GALNT7: variants seen among roughly 807,000 people sequenced by gnomAD.
GALNT7 encodes polypeptide N-acetylgalactosaminyltransferase 7.
Under a neutral mutation model 82.1 loss-of-function variants are expected in GALNT7, and 60 were observed. That is an observed-to-expected ratio of 0.73 (90% CI 0.59 to 0.91). The LOEUF is 0.91. Among genes scored for constraint, GALNT7 ranks in the 40% least tolerant of loss-of-function variants. The probability of loss-of-function intolerance (pLI) is 0.00; values close to 1 mark genes in which losing one functional copy is unlikely to be tolerated. For synonymous variants in GALNT7, 243 were observed against 275.1 expected (o/e 0.88, Z 1.15); for missense variants, 660 against 804.2 (o/e 0.82, Z 2.17).
chr4:173,256,859 A>G lies in GALNT7; in HGVS notation c.587+8419A>G, dbSNP rs189977829. 2.5e-3 allele frequency among the ~76,000 whole-genome samples: 381 copies of G among 152,260 alleles called. 1 individual carries two copies. Among genetic ancestry groups the G allele is most frequent in the Non-Finnish European group, 4.5e-3 (305 of 68,016 alleles). On this transcript the variant is annotated intron_variant, in intron 2 of 11. Coordinates refer to ENST00000265000, the MANE Select transcript of GALNT7 (RefSeq NM_017423.3). ...GCTGGTAAACCAAGCATAAACCAAC[A>G]CTTATATAGAAGGAATATCCCCTAC...
chr4:173,279,281 G>C lies in GALNT7; in HGVS notation c.588-12827G>C, dbSNP rs117834326. ...ACATGGTGAGACTGAGAGCAAGAGA[G>C]AGTGGAGGGTAAGCTACACATTTTT... On this transcript the variant is annotated intron_variant, in intron 2 of 11. Coordinates refer to ENST00000265000, the MANE Select transcript of GALNT7 (RefSeq NM_017423.3). Among the ~76,000 whole-genome samples the C allele has an allele frequency of 2.6e-5, 4 of 152,190 alleles. No individual in the cohort carries two copies. In the East Asian group the frequency reaches 7.7e-4, roughly 29 times the overall value.
intron 1 of GALNT7, among the ~76,000 whole-genome samples, chr4:173,213,772 A>G (rs1016240462): frequency 6.6e-5 from 10 of 152,144 alleles, no homozygotes; most frequent in Admixed American, 6.5e-5. Flanking sequence ...TAAATATTCA[A>G]GCACTGACAG....
chr4:173,224,423 T>C (rs1417949104), intron 1 of GALNT7, among the ~76,000 whole-genome samples: 2 of 152,200 alleles, frequency 1.3e-5, no homozygotes, highest in Non-Finnish European at 2.9e-5. Context: ...AAGGATGGTA[T>C]GTATAAATCA....
chr4:173,270,520 A>G (rs1735684237), intron 2 of GALNT7, among the ~76,000 whole-genome samples: 1 of 152,230 alleles, frequency 6.6e-6, no homozygotes, highest in Admixed American at 6.5e-5. Flanking sequence ...CATAGAGGTC[A>G]GTGCTGTGAA....
intron 1 of GALNT7, among the ~76,000 whole-genome samples, chr4:173,215,834 G>A (rs955461964): frequency 2.0e-5 from 3 of 152,140 alleles, no homozygotes; most frequent in Non-Finnish European, 4.4e-5. Context: ...AAAAGGCCGG[G>A]TGCAGTGGTT....
At chr4:173,293,319 A>G (rs543196408) in intron 3 of GALNT7, among the ~76,000 whole-genome samples, 4 of 152,012 alleles carry the variant, frequency 2.6e-5, no homozygotes, top group Admixed American at 6.5e-5. Context: ...CAAATCTCTA[A>G]TGAAGACAAT....
At chr4:173,297,660 T>G (rs1736766744) in intron 5 of GALNT7, 3 of 446,882 alleles carry the variant, frequency 6.7e-6, no homozygotes, top group African/African-American at 6.1e-5. Flanking sequence ...GGACATTCAT[T>G]TACTCTATTT....
intron 1 of GALNT7, among the ~76,000 whole-genome samples, chr4:173,189,858 C>T (rs190585753): frequency 1.4e-3 from 220 of 152,332 alleles, no homozygotes; most frequent in African/African-American, 5.2e-3. Flanking sequence ...TATGGAAATA[C>T]ATGAAGGCTG....
chr4:173,262,478 G>T (rs917190872), intron 2 of GALNT7, among the ~76,000 whole-genome samples: 1 of 152,102 alleles, frequency 6.6e-6, no homozygotes, highest in Non-Finnish European at 1.5e-5. Flanking sequence ...ATCATCATCA[G>T]TCTCATTGGA....
chr4:173,318,516 C>T lies in GALNT7; in HGVS notation c.1793C>T (p.Thr598Ile), dbSNP rs773979622. The T allele has an allele frequency of 4.4e-6, 7 of 1,573,538 alleles. No individual in the cohort carries two copies. The South Asian group carries it at 7.8e-5, about 18-fold the overall frequency. The change falls in exon 11 of 12, where the codon ACA becomes ATA. Residue 598 changes from threonine (T) to isoleucine (I), a missense_variant. Coordinates refer to ENST00000265000, the MANE Select transcript of GALNT7 (RefSeq NM_017423.3). ...GCTGATGGATCAAAAGTTATGATTACACACTGTAATCTAAATGAATTTAAG... is the reference window on the plus strand; with the variant it reads ...GCTGATGGATCAAAAGTTATGATTATACACTGTAATCTAAATGAATTTAAG... ...KGADGSKVMITHCNLNEFKEW... is the reference protein window; with the variant it reads ...KGADGSKVMIIHCNLNEFKEW...
intron 1 of GALNT7, among the ~76,000 whole-genome samples, chr4:173,246,687 T>C (rs560358953): frequency 1.3e-5 from 2 of 152,338 alleles, no homozygotes; most frequent in East Asian, 3.9e-4. Context: ...TGCCTCTAAA[T>C]AAACTACTAA....
intron 2 of GALNT7, among the ~76,000 whole-genome samples, chr4:173,251,199 G>C (rs184009294): frequency 6.6e-6 from 1 of 152,038 alleles, no homozygotes; most frequent in African/African-American, 2.4e-5. Flanking sequence ...AATCAGCCAG[G>C]GTTCAAACCT....
chr4:173,209,729 C>G (rs948846572), intron 1 of GALNT7, among the ~76,000 whole-genome samples: 1 of 152,228 alleles, frequency 6.6e-6, no homozygotes, highest in Non-Finnish European at 1.5e-5. Flanking sequence ...TCTTTCCCAC[C>G]CTACCTGCCA....
At chr4:173,184,044 G>A (rs1170375462) in intron 1 of GALNT7, among the ~76,000 whole-genome samples, 1 of 151,564 alleles carries the variant, frequency 6.6e-6, no homozygotes, top group Non-Finnish European at 1.5e-5. Flanking sequence ...GACGATGGGC[G>A]GCCGGGCAGA....
intron 2 of GALNT7, among the ~76,000 whole-genome samples, chr4:173,290,629 T>C (rs1484934886): frequency 1.3e-5 from 2 of 152,200 alleles, no homozygotes; most frequent in African/African-American, 4.8e-5. Context: ...GGAGGGAACT[T>C]TCACCTTTAT....
chr4:173,191,331 A>G lies in GALNT7; in HGVS notation c.126+22370A>G, dbSNP rs138864080. 2.3e-3 allele frequency among the ~76,000 whole-genome samples: 345 copies of G among 152,266 alleles called. 2 individuals carry two copies. Among genetic ancestry groups the G allele is most frequent in the African/African-American group, 7.2e-3 (298 of 41,550 alleles). On this transcript the variant is annotated intron_variant, in intron 1 of 11. Transcript: ENST00000265000. ...TTGAATAAATGCTGAGACCACTCCA[A>G]TTACTATGGTGAGTTGCCTTTAAGC...
intron 1 of GALNT7, 35 bp downstream of exon 1, chr4:173,168,996 G>A (rs200827067): frequency 6.9e-5 from 111 of 1,605,456 alleles, no homozygotes; most frequent in South Asian, 2.8e-4. Flanking sequence ...CGGCGGCAGC[G>A]ACCGGCAACT....
At chr4:173,187,718 A>G (rs1055634178) in intron 1 of GALNT7, among the ~76,000 whole-genome samples, 4 of 152,212 alleles carry the variant, frequency 2.6e-5, no homozygotes, top group African/African-American at 9.6e-5. Context: ...CTAGTGAGTT[A>G]GTATTAAGAA....
chr4:173,323,264 G>A lies in GALNT7; in HGVS notation c.*1547G>A, dbSNP rs1737887786. 1 of 152,514 alleles carries A rather than the reference G, an allele frequency of 6.6e-6. No homozygotes were observed. Among genetic ancestry groups the A allele is most frequent in the African/African-American group, 2.4e-5 (1 of 41,440 alleles). 9.4% of individuals were successfully genotyped at this position (152,514 alleles called of 1,614,324 possible). ...AGAGGAAGTTTGTTTTTTAATTTAA[G>A]AGGGAAATATAACCTATAAATTTGT... On this transcript the variant is annotated 3_prime_UTR_variant, in exon 12 of 12. Coordinates refer to ENST00000265000, the MANE Select transcript of GALNT7 (RefSeq NM_017423.3).
Sources: gnomAD v4.1 joint callset for allele counts (sites outside exome capture counted in the v4.1 genomes callset) on GRCh38, gnomAD v4.1.1 for gene constraint, MANE v1.5 for transcripts, NCBI Gene and HGNC (gene_info 2026-07-23, HGNC 2026-07-21) for gene names.